Variants in FGF13 observed in about 807,000 individuals in gnomAD.
FGF13 encodes the protein fibroblast growth factor homologous factor 2.
In FGF13, 2 loss-of-function variants were observed where a neutral mutation model predicts 19.5. The ratio of observed to expected loss-of-function variants is 0.10; its 90% CI spans 0.04 to 0.32. The LOEUF (loss-of-function observed/expected upper bound fraction) is 0.32. FGF13 is among the 10% of genes least tolerant of loss of function. The pLI is 1.00. For missense variants in FGF13, 113 were observed against 192.7 expected, an observed-to-expected ratio of 0.59 and a Z score of 2.45; for synonymous variants, 72 against 76.9, an observed-to-expected ratio of 0.94 and a Z score of 0.33.
chrX:138,729,203 C>A (rs2090209397), intron 1 of FGF13, among the ~76,000 whole-genome samples: 1 of 110,783 alleles, frequency 9.0e-6, no homozygotes, highest in African/African-American at 3.3e-5. Context: ...AGAGATGGCC[C>A]AGATTATGGG....
intron 1 of FGF13, among the ~76,000 whole-genome samples, chrX:139,067,609 A>C (rs1450083245): frequency 1.8e-5 from 2 of 112,089 alleles, no homozygotes; most frequent in African/African-American, 6.5e-5. Flanking sequence ...GAGAACTACA[A>C]ACCACTGCTC....
chrX:139,162,066 C>A (rs1422554208), intron 1 of FGF13, among the ~76,000 whole-genome samples: 2 of 111,890 alleles, frequency 1.8e-5, no homozygotes, highest in Admixed American at 1.9e-4. Context: ...TCATATAGAA[C>A]CACAAAAAGA....
intron 1 of FGF13, among the ~76,000 whole-genome samples, chrX:139,033,835 T>C (rs763862404): frequency 4.5e-5 from 5 of 111,951 alleles, no homozygotes; most frequent in East Asian, 5.7e-4. Flanking sequence ...TTTTCTTGCA[T>C]AGAGCAAGTG....
intron 3 of FGF13, among the ~76,000 whole-genome samples, chrX:138,759,804 G>C (rs967324805): frequency 1.8e-5 from 2 of 111,818 alleles, no homozygotes; most frequent in African/African-American, 6.5e-5. Context: ...AGCTGTGTAG[G>C]CTTGTTGTGA....
chrX:138,993,105 G>A (rs1051062651), intron 1 of FGF13, among the ~76,000 whole-genome samples: 1 of 111,623 alleles, frequency 9.0e-6, no homozygotes, highest in Non-Finnish European at 1.9e-5. Flanking sequence ...TATCTTACCA[G>A]TATACCTCAA....
intron 1 of FGF13, among the ~76,000 whole-genome samples, chrX:138,931,571 G>C (rs2091701640): frequency 1.8e-5 from 2 of 111,616 alleles, no homozygotes; most frequent in South Asian, 7.6e-4. Flanking sequence ...CTAGTTTGGG[G>C]GCTGAGTGTT....
At chrX:139,160,389 G>A (rs767729487) in intron 1 of FGF13, among the ~76,000 whole-genome samples, 12 of 112,046 alleles carry the variant, frequency 1.1e-4, no homozygotes, top group African/African-American at 3.6e-4. Flanking sequence ...GAGAAAGTGG[G>A]AAAGATCTAA....
At chrX:138,778,188 G>T (rs1429619141) in intron 3 of FGF13, among the ~76,000 whole-genome samples, 1 of 109,326 alleles carries the variant, frequency 9.1e-6, no homozygotes, top group East Asian at 2.9e-4. Context: ...TTTCTCAAAA[G>T]AAAACATACA....
intron 3 of FGF13, among the ~76,000 whole-genome samples, chrX:138,804,525 C>A (rs1489061428): frequency 8.9e-6 from 1 of 111,890 alleles, no homozygotes; most frequent in Non-Finnish European, 1.9e-5. Flanking sequence ...ATGAATTATT[C>A]CAATATTATG....
rs1435410927 is a variant in FGF13, at chrX:138,620,614, G to A, written c.*12236C>T. Reference sequence around the variant, plus strand: ...CAGCTGAAAAACATTTAACAAAGTAGCAATAGTATGTCTTTACCTATAAAT... The same window carrying A: ...CAGCTGAAAAACATTTAACAAAGTAACAATAGTATGTCTTTACCTATAAAT... On this transcript the variant is annotated 3_prime_UTR_variant, in exon 5 of 5. Coordinates refer to ENST00000315930, the MANE Select transcript of FGF13 (RefSeq NM_004114.5). 9.0e-6 allele frequency: 1 copy of A among 111,702 alleles called. No homozygotes were observed. Among genetic ancestry groups the A allele is most frequent in the Non-Finnish European group, 1.9e-5 (1 of 53,097 alleles). The allele number at this position is 111,702 out of a possible 1,213,427, so 9.2% of individuals were successfully genotyped here.
intron 3 of FGF13, among the ~76,000 whole-genome samples, chrX:138,783,045 G>T (rs1440436654): frequency 1.1e-5 from 1 of 90,262 alleles, no homozygotes; most frequent in African/African-American, 4.2e-5. Flanking sequence ...ACAAACCTGA[G>T]AAAAACAAGC....
At chrX:138,982,514 G>A (rs961505659) in intron 1 of FGF13, among the ~76,000 whole-genome samples, 10 of 112,054 alleles carry the variant, frequency 8.9e-5, no homozygotes, top group African/African-American at 1.6e-4. Context: ...ACTAGTGGGG[G>A]AAAACGGCTT....
rs1431780963 is a variant in FGF13, at chrX:138,615,778, ACT to A, written c.*17070_*17071del. On this transcript the variant is annotated 3_prime_UTR_variant, in exon 5 of 5. Coordinates refer to ENST00000315930, the MANE Select transcript of FGF13 (RefSeq NM_004114.5). ...TTTATAAAGGAAAGAGTTTTAACTG[ACT>A]CACAGTTCCGCATGGCTTCGGAGGC... The A allele has an allele frequency of 9.0e-6, 1 of 111,695 alleles. No homozygotes were observed. Among genetic ancestry groups the A allele is most frequent in the Non-Finnish European group, 1.9e-5 (1 of 53,198 alleles). The allele number at this position is 111,695 out of a possible 1,213,427, so 9.2% of individuals were successfully genotyped here.
At chrX:138,961,564 C>T (rs775669736) in intron 1 of FGF13, among the ~76,000 whole-genome samples, 8 of 111,289 alleles carry the variant, frequency 7.2e-5, no homozygotes, top group Admixed American at 9.6e-5. Flanking sequence ...AAGTTTCTGC[C>T]GCCTTTTGTT....
chrX:138,919,725 T>C (rs748166221), intron 1 of FGF13, among the ~76,000 whole-genome samples: 1 of 110,193 alleles, frequency 9.1e-6, no homozygotes, highest in Non-Finnish European at 1.9e-5. Flanking sequence ...AGGAGATGAA[T>C]ATGGCTGTAA....
chrX:138,960,477 G>A (rs991758879), intron 1 of FGF13, among the ~76,000 whole-genome samples: 4 of 111,242 alleles, frequency 3.6e-5, no homozygotes, highest in African/African-American at 1.3e-4. Context: ...TTCAACCTTG[G>A]TGAAGCTGAC....
At chrX:138,759,139 A>T (rs2090449907) in intron 3 of FGF13, among the ~76,000 whole-genome samples, 1 of 112,445 alleles carries the variant, frequency 8.9e-6, no homozygotes, top group Non-Finnish European at 1.9e-5. Flanking sequence ...TTCATAAATT[A>T]AAAAAGCAGA....
At chrX:138,700,389 C>T (rs2089935392) in intron 3 of FGF13, among the ~76,000 whole-genome samples, 1 of 111,668 alleles carries the variant, frequency 9.0e-6, no homozygotes, top group South Asian at 3.8e-4. Flanking sequence ...TGGTTTTACG[C>T]AAGGGAAGAG....
chrX:139,199,375 T>C (rs1348493965), intron 1 of FGF13, among the ~76,000 whole-genome samples: 2 of 111,804 alleles, frequency 1.8e-5, no homozygotes, highest in East Asian at 5.6e-4. Context: ...ACTCCAAAAA[T>C]ATAAGTCATA....
Sources: allele counts gnomAD v4.1 joint callset (sites outside exome capture counted in the v4.1 genomes callset), GRCh38; gene constraint gnomAD v4.1.1; transcripts MANE v1.5; gene names NCBI Gene and HGNC (gene_info 2026-07-23, HGNC 2026-07-21).